Variants in UPB1 observed in about 807,000 individuals in gnomAD.
UPB1 encodes beta-ureidopropionase.
A neutral mutation model predicts 49.1 loss-of-function variants in UPB1; 40 were observed. The observed-to-expected ratio is 0.81, with a 90% CI of 0.63 to 1.06. UPB1 has a LOEUF of 1.06. Ranked by LOEUF, UPB1 falls within the 50% of genes least tolerant of loss-of-function variation. The pLI is 0.00. For synonymous variants in UPB1, 207 were observed against 198.2 expected (o/e 1.04, Z -0.38); for missense variants, 499 against 505.9 (o/e 0.99, Z 0.13).
rs553095174 is a variant in UPB1 at position 24,526,669 on chromosome 22, A to C, written c.*875A>C. The C allele has an allele frequency of 1.3e-5, 2 of 152,344 alleles. No homozygotes were observed. Among genetic ancestry groups the C allele is most frequent in the East Asian group, 3.9e-4 (2 of 5,180 alleles). The allele number at this position is 152,344 out of a possible 1,614,324, so 9.4% of individuals were successfully genotyped here. A position where few individuals can be genotyped will look rare whatever the true frequency, so the allele number is the denominator to read the frequency against. On this transcript the variant is annotated 3_prime_UTR_variant, in exon 10 of 10. Coordinates refer to ENST00000326010, the MANE Select transcript of UPB1 (RefSeq NM_016327.3). ...CTAGAAAAATAGAATCTTAAAGATG[A>C]GTTTTCTGCATTGGTTCTGGATTTT...
rs561486829 is a variant in UPB1, at chr22:24,511,714, C to T, written c.459+871C>T. 1.0e-4 allele frequency among the ~76,000 whole-genome samples: 15 copies of T among 149,818 alleles called. No homozygotes were observed. The South Asian group carries it at 2.1e-3, about 21-fold the overall frequency. On this transcript the variant is annotated intron_variant, in intron 4 of 9. Transcript: ENST00000326010. ...CTGCAAGCTCTGCCTCCTGGGTTCA[C>T]GCCATTCTCCTGCCTCAGCCTCCGG...
At chr22:24,520,233 C>G in intron 6 of UPB1, 154 bp from the exon 7 acceptor site, 2 of 829,058 alleles carry the variant, frequency 2.4e-6, no homozygotes, top group East Asian at 5.4e-5. Flanking sequence ...CCTGGTTGTC[C>G]CCACCACTGG....
Position 24,515,236 on chromosome 22 carries a change from C to T in UPB1, c.657C>T (p.Pro219=), listed in dbSNP as rs149294607. 4.0e-5 allele frequency: 65 copies of T among 1,614,062 alleles called. 1 individual carries two copies. The African/African-American group carries it at 5.5e-4, about 14-fold the overall frequency. ...TYYMEGNLGH[P]VFQTQFGRIA... ...ACATGGAGGGAAACCTGGGCCACCC[C>T]GTGTTCCAGACGCAGTTCGGAAGGA... Residue 219 remains proline, a synonymous_variant, in exon 6 of 10, where the codon CCC becomes CCT. Coordinates refer to ENST00000326010, the MANE Select transcript of UPB1 (RefSeq NM_016327.3).
intron 3 of UPB1, 36 bp from the exon 4 acceptor site, chr22:24,510,713 T>C (rs774338294): frequency 3.1e-6 from 5 of 1,596,320 alleles, no homozygotes; most frequent in Admixed American, 3.3e-5. Context: ...AGGCTGTGCA[T>C]GTTGGATATA....
chr22:24,495,633 G>A, intron 1 of UPB1, 126 bp downstream of exon 1: 2 of 1,018,364 alleles, frequency 2.0e-6, no homozygotes, highest in African/African-American at 1.6e-5. Context: ...CTGAGTTGGC[G>A]GGCAGAGACC....
At chr22:24,508,391 T>C (rs2044130833) in intron 3 of UPB1, among the ~76,000 whole-genome samples, 1 of 151,708 alleles carries the variant, frequency 6.6e-6, no homozygotes, top group South Asian at 2.1e-4. Flanking sequence ...AAACCCTGTC[T>C]CTACTAAATA....
At chr22:24,524,738 C>T in intron 9 of UPB1, among the ~76,000 whole-genome samples, 1 of 152,220 alleles carries the variant, frequency 6.6e-6, no homozygotes, top group East Asian at 1.9e-4. Context: ...AATCCTCGCA[C>T]CTCGGGCTCC....
At chr22:24,496,570 T>C (rs2043891929) in intron 1 of UPB1, among the ~76,000 whole-genome samples, 1 of 152,174 alleles carries the variant, frequency 6.6e-6, no homozygotes, top group African/African-American at 2.4e-5. Context: ...CAGCTCAACC[T>C]GCTACAGTAG....
chr22:24,495,688 A>C (rs2043857955), intron 1 of UPB1, among the ~76,000 whole-genome samples, 181 bp downstream of exon 1: 1 of 152,234 alleles, frequency 6.6e-6, no homozygotes, highest in East Asian at 1.9e-4. Context: ...TGGGGGTTGC[A>C]GAATCCTGGC....
In UPB1 at chr22:24,500,112, T is replaced by C; in HGVS notation, c.110T>C (p.Leu37Pro). The C allele has an allele frequency of 6.2e-7, 1 of 1,614,208 alleles. No individual in the cohort carries two copies. The highest frequency in any genetic ancestry group is 8.5e-7 in the Non-Finnish European group (1 of 1,180,038). Reference sequence around the variant, plus strand: ...CTTTTTTCCTGCCCATCTAGGAAGCTTGATCTGCCCAGGGAAGCTTTCGAA... The same window carrying C: ...CTTTTTTCCTGCCCATCTAGGAAGCCTGATCTGCCCAGGGAAGCTTTCGAA... ...RVLYGKELRK[L>P]DLPREAFEAA... is the part of the protein sequence containing the mutation. Residue 37 changes from leucine to proline, a missense_variant, in exon 2 of 10, where the codon CTT (leucine) becomes CCT (proline). Coordinates refer to ENST00000326010, the MANE Select transcript of UPB1 (RefSeq NM_016327.3).
chr22:24,526,723 C>T lies in UPB1; in HGVS notation c.*929C>T, dbSNP rs1394576927. On this transcript the variant is annotated 3_prime_UTR_variant, in exon 10 of 10. Transcript: ENST00000326010. Reference sequence around the variant, plus strand: ...AGAATTCTTCCCTAGTTTGATTGAACTTAAAGGCATCAATGACTCTATTTC... The same window carrying T: ...AGAATTCTTCCCTAGTTTGATTGAATTTAAAGGCATCAATGACTCTATTTC... The T allele has an allele frequency of 3.3e-5, 5 of 152,114 alleles. No homozygotes were observed. Among genetic ancestry groups the T allele is most frequent in the African/African-American group, 1.2e-4 (5 of 41,404 alleles). 9.4% of individuals were successfully genotyped at this position (152,114 alleles called of 1,614,324 possible).
chr22:24,521,853 C>A, intron 7 of UPB1, 133 bp from the exon 8 acceptor site: 1 of 901,454 alleles, frequency 1.1e-6, no homozygotes. Flanking sequence ...CAGACCATTC[C>A]AGCTCACCTT....
At chr22:24,502,272 T>A in intron 3 of UPB1, 59 bp downstream of exon 3, 1 of 1,543,502 alleles carries the variant, frequency 6.5e-7, no homozygotes, top group Non-Finnish European at 9.0e-7. Flanking sequence ...ATTCTCTCCA[T>A]GTTGCCAAGA....
intron 1 of UPB1, among the ~76,000 whole-genome samples, chr22:24,498,589 G>GT (rs2043933190): frequency 6.6e-6 from 1 of 152,316 alleles, no homozygotes; most frequent in East Asian, 1.9e-4. Context: ...GGGAGCTGGG[G>GT]ATAAGGAGGT....
intron 9 of UPB1, among the ~76,000 whole-genome samples, chr22:24,524,040 A>G (rs1031585450): frequency 2.6e-5 from 4 of 152,206 alleles, no homozygotes; most frequent in African/African-American, 9.7e-5. Flanking sequence ...ATTAATCTCA[A>G]TTTCATTTGT....
chr22:24,518,608 G>T (rs112628437), intron 6 of UPB1, among the ~76,000 whole-genome samples: 9 of 152,160 alleles, frequency 5.9e-5, no homozygotes, highest in Non-Finnish European at 1.3e-4. Flanking sequence ...ACCTTCTGCC[G>T]CCTGTATTAG....
chr22:24,505,682 C>CCT (rs1480141004), intron 3 of UPB1, among the ~76,000 whole-genome samples: 2 of 152,044 alleles, frequency 1.3e-5, no homozygotes, highest in Non-Finnish European at 2.9e-5. Flanking sequence ...GGAGAAAGGA[C>CCT]CTGGATTTCT....
chr22:24,526,443 C>T lies in UPB1; in HGVS notation c.*649C>T, dbSNP rs958027657. The T allele has an allele frequency of 6.3e-6, 1 of 158,620 alleles. No individual in the cohort carries two copies. Among genetic ancestry groups the T allele is most frequent in the Non-Finnish European group, 1.4e-5 (1 of 71,588 alleles). 9.8% of individuals were successfully genotyped at this position (158,620 alleles called of 1,614,324 possible). ...GGTTTCCCTGAGGAAGAAATTCTGC[C>T]TGAGGACAGCAGCCCAGTGCTTGGC... On this transcript the variant is annotated 3_prime_UTR_variant, in exon 10 of 10. Coordinates refer to ENST00000326010, the MANE Select transcript of UPB1 (RefSeq NM_016327.3).
intron 9 of UPB1, among the ~76,000 whole-genome samples, chr22:24,524,888 C>T (rs1186736725): frequency 6.6e-6 from 1 of 152,140 alleles, no homozygotes. Context: ...TCTAATCCAC[C>T]CAGACATGGG....
Sources: allele counts gnomAD v4.1 joint callset (sites outside exome capture counted in the v4.1 genomes callset), GRCh38; gene constraint gnomAD v4.1.1; transcripts MANE v1.5; gene names NCBI Gene and HGNC (gene_info 2026-07-23, HGNC 2026-07-21).